Variants in KANSL1 observed in about 807,000 individuals in gnomAD.
The protein encoded by KANSL1 is MLL1/MLL complex subunit KANSL1.
KANSL1 carries 22 observed loss-of-function variants against 103.6 expected under a neutral mutation model. That is an observed-to-expected ratio of 0.21 (90% CI 0.15 to 0.30). The LOEUF is 0.30. Ranked by LOEUF, KANSL1 falls within the 10% of genes least tolerant of loss-of-function variation. The probability of loss-of-function intolerance (pLI) is 1.00; values close to 1 mark genes in which losing one functional copy is unlikely to be tolerated. For synonymous variants in KANSL1, 600 were observed against 527.6 expected, an observed-to-expected ratio of 1.14 and a Z score of -1.88; for missense variants, 1,337 against 1,399.8, an observed-to-expected ratio of 0.96 and a Z score of 0.72.
chr17:46,166,620 T>C (rs1252182862), intron 2 of KANSL1, among the ~76,000 whole-genome samples: 2 of 152,212 alleles, frequency 1.3e-5, no homozygotes, highest in African/African-American at 4.8e-5. Context: ...AGTCTATTTT[T>C]ACCCAACCCT....
rs779968528 is a variant in KANSL1 at position 46,171,003 on chromosome 17, C to G, written c.1141G>C (p.Glu381Gln). The change falls in exon 2 of 15, where the codon GAG (glutamate) becomes CAG (glutamine). Residue 381 changes from glutamate to glutamine, a missense_variant. Glu to Gln is a conservative substitution (Grantham distance 29). Around this residue, in one of 2 missense-constraint regions of KANSL1, gnomAD observed 557 missense variants for 476.4 expected, o/e 1.17. Coordinates refer to ENST00000432791, the MANE Select transcript of KANSL1 (RefSeq NM_015443.4). Reference sequence around the variant, plus strand: ...GCTATGCCACTAGCTGTAAATCTCTCCAATTCTTCTGAAATTGAATTGCTT... The same window carrying G: ...GCTATGCCACTAGCTGTAAATCTCTGCAATTCTTCTGAAATTGAATTGCTT... ...LKSNSISEEL[E>Q]RFTASGIANL... is the part of the protein sequence containing the mutation. 8 of 1,614,206 alleles carry G rather than the reference C, an allele frequency of 5.0e-6. No homozygotes were observed. The Admixed American group carries it at 1.3e-4, about 27-fold the overall frequency.
At chr17:46,168,600 G>C (rs2046126133) in intron 2 of KANSL1, among the ~76,000 whole-genome samples, 1 of 152,186 alleles carries the variant, frequency 6.6e-6, no homozygotes, top group South Asian at 2.1e-4. Flanking sequence ...GCCCGCCTCA[G>C]CCTCCCAAAG....
At chr17:46,186,905 T>G (rs966892115) in intron 1 of KANSL1, among the ~76,000 whole-genome samples, 38 of 94,416 alleles carry the variant, frequency 4.0e-4, no homozygotes, top group African/African-American at 1.5e-3. Flanking sequence ...TTTTTGCTGT[T>G]TTTTTTTTTA....
chr17:46,215,380 CA>C (rs1253371031), intron 1 of KANSL1, among the ~76,000 whole-genome samples: 1 of 152,182 alleles, frequency 6.6e-6, no homozygotes, highest in Non-Finnish European at 1.5e-5. Flanking sequence ...ACTCTACCTT[CA>C]AAGCTAGTTG....
intron 2 of KANSL1, among the ~76,000 whole-genome samples, chr17:46,131,062 G>A (rs2043840537): frequency 6.6e-6 from 1 of 152,078 alleles, no homozygotes; most frequent in Admixed American, 6.5e-5. Flanking sequence ...TCAAGCACAA[G>A]CTGATCTTCA....
chr17:46,100,303 C>T (rs77604208), intron 2 of KANSL1, among the ~76,000 whole-genome samples: 21,500 of 151,696 alleles, frequency 0.14, 2,119 homozygotes, highest in Non-Finnish European at 0.22. Context: ...CAGACGTAGT[C>T]GCGCACGCCT....
At chr17:46,149,295 C>G (rs977375884) in intron 2 of KANSL1, among the ~76,000 whole-genome samples, 1 of 152,254 alleles carries the variant, frequency 6.6e-6, no homozygotes, top group African/African-American at 2.4e-5. Flanking sequence ...GCCACTGCGC[C>G]CAGCCTGCCT....
chr17:46,177,764 A>C (rs1024457863), intron 1 of KANSL1, among the ~76,000 whole-genome samples: 1 of 152,044 alleles, frequency 6.6e-6, no homozygotes, highest in African/African-American at 2.4e-5. Flanking sequence ...AAGTAAAACA[A>C]AATCACAGTA....
intron 4 of KANSL1, among the ~76,000 whole-genome samples, chr17:46,079,882 T>C (rs2078919072): frequency 6.6e-6 from 1 of 151,650 alleles, no homozygotes; most frequent in Non-Finnish European, 1.5e-5. Context: ...GAAGCTGAGG[T>C]GGGAGGATCA....
At chr17:46,097,839 G>C (rs766389644) in intron 2 of KANSL1, among the ~76,000 whole-genome samples, 14 of 149,836 alleles carry the variant, frequency 9.3e-5, no homozygotes, top group Non-Finnish European at 1.9e-4. Flanking sequence ...GAACAAATCT[G>C]ACCACGACAG....
intron 2 of KANSL1, among the ~76,000 whole-genome samples, chr17:46,100,028 T>C (rs2042242226): frequency 6.6e-6 from 1 of 152,228 alleles, no homozygotes; most frequent in Non-Finnish European, 1.5e-5. Context: ...ATTTGTTGTA[T>C]ATAAATATTT....
intron 2 of KANSL1, among the ~76,000 whole-genome samples, chr17:46,155,754 T>C (rs575488576): frequency 5.3e-5 from 8 of 151,294 alleles, no homozygotes; most frequent in African/African-American, 1.7e-4. Context: ...CTACAGTCTA[T>C]TAAAAAAAAA....
chr17:46,106,357 GTTA>G (rs1349982659), intron 2 of KANSL1, among the ~76,000 whole-genome samples: 2 of 152,184 alleles, frequency 1.3e-5, no homozygotes, highest in Admixed American at 6.5e-5. Flanking sequence ...AAGCCTCTTA[GTTA>G]TTATGTAAGA....
chr17:46,169,878 A>G (rs1049579414), intron 2 of KANSL1, among the ~76,000 whole-genome samples: 16 of 152,216 alleles, frequency 1.1e-4, no homozygotes, highest in Admixed American at 7.2e-4. Context: ...AAACCAACAG[A>G]TTTAGAAAAA....
chr17:46,055,216 C>A (rs1470833749), intron 6 of KANSL1, among the ~76,000 whole-genome samples: 1 of 151,724 alleles, frequency 6.6e-6, no homozygotes, highest in East Asian at 2.0e-4. Context: ...GTATTCCCAG[C>A]ACTTTGGGAA....
intron 2 of KANSL1, among the ~76,000 whole-genome samples, chr17:46,096,423 C>T (rs1347497458): frequency 2.0e-5 from 3 of 149,132 alleles, no homozygotes; most frequent in South Asian, 4.2e-4. Context: ...CAGGTTCAAG[C>T]GATTCTCCTG....
At chr17:46,199,777 A>G (rs576420470) in intron 1 of KANSL1, among the ~76,000 whole-genome samples, 101 of 152,366 alleles carry the variant, frequency 6.6e-4, no homozygotes, top group Non-Finnish European at 1.6e-4. Context: ...GGTTAAACCT[A>G]AATGTACTAG....
At chr17:46,115,567 C>T (rs1407291460) in intron 2 of KANSL1, among the ~76,000 whole-genome samples, 1 of 151,994 alleles carries the variant, frequency 6.6e-6, no homozygotes, top group Non-Finnish European at 1.5e-5. Flanking sequence ...ATATGTATTA[C>T]ATGATGCATA....
chr17:46,222,314 A>G (rs1221822050), intron 1 of KANSL1: 1 of 148,566 alleles, frequency 6.7e-6, no homozygotes, highest in Non-Finnish European at 1.5e-5. Context: ...TACCAAATAC[A>G]TTCGTTAAAA....
Sources: allele counts gnomAD v4.1 joint callset (sites outside exome capture counted in the v4.1 genomes callset), GRCh38; gene constraint gnomAD v4.1.1; regional missense constraint gnomAD v4.1.1; transcripts MANE v1.5; gene names NCBI Gene and HGNC (gene_info 2026-07-23, HGNC 2026-07-21).